Variants in MAST4 observed in about 807,000 individuals in gnomAD.
MAST4 encodes the protein microtubule-associated serine/threonine-protein kinase 4.
Under a neutral mutation model 162.7 loss-of-function variants are expected in MAST4, and 89 were observed. That is an observed-to-expected ratio of 0.55 (90% CI 0.46 to 0.65). The LOEUF (loss-of-function observed/expected upper bound fraction) is 0.65, where lower values mean the gene tolerates loss of function less well. Ranked by LOEUF, MAST4 falls within the 30% of genes least tolerant of loss-of-function variation. MAST4 has a pLI of 0.00. For synonymous variants in MAST4, 1,479 were observed against 1,361.1 expected (o/e 1.09, Z -1.91); for missense variants, 3,153 against 3,374.0 (o/e 0.93, Z 1.62).
intron 4 of MAST4, among the ~76,000 whole-genome samples, chr5:66,909,016 G>A (rs1232263054): frequency 6.6e-6 from 1 of 152,118 alleles, no homozygotes; most frequent in Admixed American, 6.5e-5. Flanking sequence ...AAAATATATT[G>A]GGAATTATGC....
At chr5:66,767,891 A>G (rs909053293) in intron 2 of MAST4, among the ~76,000 whole-genome samples, 2 of 152,132 alleles carry the variant, frequency 1.3e-5, no homozygotes, top group African/African-American at 4.8e-5. Context: ...ATCCACCCAG[A>G]TTAAGGGTGG....
chr5:66,955,248 C>A (rs548691914), intron 4 of MAST4, among the ~76,000 whole-genome samples: 4 of 150,282 alleles, frequency 2.7e-5, no homozygotes, highest in East Asian at 3.9e-4. Flanking sequence ...GATGAGGGAG[C>A]CTTGTGTTTT....
At chr5:67,079,614 G>A (rs1349016278) in intron 5 of MAST4, among the ~76,000 whole-genome samples, 1 of 152,090 alleles carries the variant, frequency 6.6e-6, no homozygotes, top group Non-Finnish European at 1.5e-5. Context: ...ATGTCTACTT[G>A]AATCATTTGA....
intron 4 of MAST4, among the ~76,000 whole-genome samples, chr5:66,915,276 A>G (rs1251272462): frequency 6.6e-6 from 1 of 151,782 alleles, no homozygotes; most frequent in East Asian, 1.9e-4. Context: ...CAAAAAAAAA[A>G]AAAAAAAAAA....
intron 1 of MAST4, among the ~76,000 whole-genome samples, chr5:66,711,483 C>A (rs970531348): frequency 6.6e-6 from 1 of 152,162 alleles, no homozygotes; most frequent in East Asian, 1.9e-4. Flanking sequence ...ATATCTCTTG[C>A]CTTTTCATAT....
Position 66,919,587 on chromosome 5 carries a change from C to T in MAST4, c.674+19605C>T, listed in dbSNP as rs568552896. 1.4e-3 allele frequency among the ~76,000 whole-genome samples: 209 copies of T among 147,796 alleles called. 2 individuals carry two copies. Among genetic ancestry groups the T allele is most frequent in the African/African-American group, 5.0e-3 (199 of 39,910 alleles). Reference sequence around the variant, plus strand: ...GAGGCAGGAGAATCGCTTGAACCCACGAGGCAGAGGTTGCAGTGAGCTGAG... The same window carrying T: ...GAGGCAGGAGAATCGCTTGAACCCATGAGGCAGAGGTTGCAGTGAGCTGAG... On this transcript the variant is annotated intron_variant, in intron 4 of 28. Coordinates refer to ENST00000403625, the MANE Select transcript of MAST4 (RefSeq NM_001164664.2).
chr5:66,726,178 A>G (rs1751505518), intron 1 of MAST4, among the ~76,000 whole-genome samples: 1 of 151,868 alleles, frequency 6.6e-6, no homozygotes, highest in African/African-American at 2.4e-5. Context: ...GAAGGGAGGG[A>G]GGGTCTCACT....
At chr5:66,888,010 C>G (rs1388104280) in intron 3 of MAST4, among the ~76,000 whole-genome samples, 1 of 151,588 alleles carries the variant, frequency 6.6e-6, no homozygotes, top group African/African-American at 2.4e-5. Context: ...AGATCGAGAC[C>G]ATCCTGGCTA....
intron 1 of MAST4, among the ~76,000 whole-genome samples, chr5:66,683,787 T>A (rs1748473964): frequency 1.3e-5 from 2 of 152,182 alleles, no homozygotes; most frequent in African/African-American, 2.4e-5. Context: ...CAGCTTGCTT[T>A]TCTAGCTCTG....
intron 5 of MAST4, among the ~76,000 whole-genome samples, chr5:67,080,464 C>A (rs114102203): frequency 6.6e-6 from 1 of 152,092 alleles, no homozygotes; most frequent in Non-Finnish European, 1.5e-5. Flanking sequence ...TTTGTGCATA[C>A]AGAATCTCAA....
At chr5:66,976,751 AT>A (rs1439589510) in intron 4 of MAST4, among the ~76,000 whole-genome samples, 15 of 152,122 alleles carry the variant, frequency 9.9e-5, no homozygotes, top group African/African-American at 3.4e-4. Context: ...ATAATGTGTT[AT>A]AATTCTTTAC....
At chr5:66,989,563 G>T (rs190332124) in intron 4 of MAST4, among the ~76,000 whole-genome samples, 38 of 152,234 alleles carry the variant, frequency 2.5e-4, no homozygotes, top group African/African-American at 9.1e-4. Context: ...CCACAAACAA[G>T]CAGAGCCCTG....
At chr5:67,007,319 C>T (rs143642355) in intron 4 of MAST4, among the ~76,000 whole-genome samples, 9 of 152,144 alleles carry the variant, frequency 5.9e-5, no homozygotes, top group African/African-American at 2.2e-4. Context: ...TTCCAAAGGA[C>T]CTTTCTGTTC....
intron 3 of MAST4, among the ~76,000 whole-genome samples, chr5:66,866,116 G>A (rs1478538583): frequency 6.6e-6 from 1 of 151,614 alleles, no homozygotes; most frequent in African/African-American, 2.4e-5. Flanking sequence ...TACGTTGCTG[G>A]TAGTTGCTGC....
At chr5:66,846,332 T>C (rs1482869510) in intron 3 of MAST4, among the ~76,000 whole-genome samples, 2 of 152,184 alleles carry the variant, frequency 1.3e-5, no homozygotes, top group Non-Finnish European at 2.9e-5. Context: ...AGGTGGTTAG[T>C]TTGGTAGAAA....
intron 5 of MAST4, among the ~76,000 whole-genome samples, chr5:67,062,340 G>A (rs902126526): frequency 6.6e-6 from 1 of 152,136 alleles, no homozygotes; most frequent in Admixed American, 6.5e-5. Context: ...GGAGGCTGCA[G>A]TGAGCCGAGA....
chr5:67,048,454 A>G (rs765921227), intron 4 of MAST4, among the ~76,000 whole-genome samples: 1 of 152,232 alleles, frequency 6.6e-6, no homozygotes, highest in Non-Finnish European at 1.5e-5. Context: ...GTGAACATGT[A>G]TCAAATATTT....
At chr5:67,024,332 T>TACAC (rs1385714754) in intron 4 of MAST4, among the ~76,000 whole-genome samples, 12 of 127,424 alleles carry the variant, frequency 9.4e-5, no homozygotes, top group Non-Finnish European at 1.4e-4. Flanking sequence ...TATCTATATA[T>TACAC]ATATACACAC....
chr5:66,720,254 G>A (rs12514391), intron 1 of MAST4, among the ~76,000 whole-genome samples: 64,744 of 151,652 alleles, frequency 0.43, 14,226 homozygotes, highest in African/African-American at 0.54. Context: ...TGATACCAAC[G>A]TTATGCTGAC....
Sources: gnomAD v4.1 joint callset for allele counts (sites outside exome capture counted in the v4.1 genomes callset) on GRCh38, gnomAD v4.1.1 for gene constraint, MANE v1.5 for transcripts, NCBI Gene and HGNC (gene_info 2026-07-23, HGNC 2026-07-21) for gene names.